BIN3: variants seen among roughly 807,000 people sequenced by gnomAD.
BIN3 encodes the protein bridging integrator 3.
In BIN3, 41 loss-of-function variants were observed where a neutral mutation model predicts 38.2. The ratio of observed to expected loss-of-function variants is 1.07; its 90% CI spans 0.84 to 1.39. The LOEUF is 1.39. Among genes scored for constraint, BIN3 ranks in the 40% most tolerant of loss-of-function variants. The pLI, the probability that BIN3 is intolerant of heterozygous loss-of-function variation, is 0.00. For missense variants in BIN3, 361 were observed against 324.3 expected (o/e 1.11, Z -0.87); for synonymous variants, 145 against 122.6 (o/e 1.18, Z -1.21).
At chr8:22,642,687 GTCA>G (rs1404652622) in intron 2 of BIN3, among the ~76,000 whole-genome samples, 1 of 152,228 alleles carries the variant, frequency 6.6e-6, no homozygotes, top group Admixed American at 6.5e-5. Flanking sequence ...CACAGGTACT[GTCA>G]TCATCCTGAT....
chr8:22,652,322 A>G (rs531382140), intron 1 of BIN3, among the ~76,000 whole-genome samples: 1 of 152,308 alleles, frequency 6.6e-6, no homozygotes, highest in South Asian at 2.1e-4. Context: ...ATGTTTATCT[A>G]CTGGGTAGGA....
chr8:22,664,446 C>T (rs2117605168), intron 1 of BIN3, among the ~76,000 whole-genome samples: 1 of 152,344 alleles, frequency 6.6e-6, no homozygotes, highest in South Asian at 2.1e-4. Context: ...AGTGATGAGG[C>T]TGCCTTAGGC....
chr8:22,639,964 C>T lies in BIN3; in HGVS notation c.58-3002G>A, dbSNP rs888146824. Among the ~76,000 whole-genome samples, 10 of 152,206 alleles carry T rather than the reference C, an allele frequency of 6.6e-5. No homozygotes were observed. In the South Asian group the frequency reaches 1.9e-3, roughly 28 times the overall value. ...GCAACCTCCGCCTCCCGGGTTCAAG[C>T]GATTCTCCTGCCTCAGCCTCCCGAG... On this transcript the variant is annotated intron_variant, in intron 2 of 8. Coordinates refer to ENST00000276416, the MANE Select transcript of BIN3 (RefSeq NM_018688.6).
At chr8:22,636,842 C>T (rs919507499) in intron 3 of BIN3, 80 bp downstream of exon 3, 45 of 1,486,256 alleles carry the variant, frequency 3.0e-5, no homozygotes, top group South Asian at 1.0e-4. Flanking sequence ...GGGCAGGGCA[C>T]GGGGCAGACA....
chr8:22,644,648 T>G (rs945647081), intron 2 of BIN3, 107 bp downstream of exon 2: 2 of 1,081,998 alleles, frequency 1.8e-6, no homozygotes, highest in Non-Finnish European at 2.8e-6. Context: ...AAGGCCCAGG[T>G]TGCTGTCTTC....
At chr8:22,642,806 A>T (rs1802604741) in intron 2 of BIN3, among the ~76,000 whole-genome samples, 1 of 152,174 alleles carries the variant, frequency 6.6e-6, no homozygotes, top group African/African-American at 2.4e-5. Context: ...AGCCTCCCAA[A>T]CCTAGTTTCT....
At chr8:22,637,037 T>C in intron 2 of BIN3, 75 bp from the exon 3 acceptor site, 2 of 1,340,668 alleles carry the variant, frequency 1.5e-6, no homozygotes, top group Admixed American at 3.6e-5. Context: ...CTCCTGAAAC[T>C]CTCTCCACAC....
At chr8:22,660,379 C>T (rs570286630) in intron 1 of BIN3, among the ~76,000 whole-genome samples, 102 of 152,376 alleles carry the variant, frequency 6.7e-4, no homozygotes, top group African/African-American at 2.3e-3. Context: ...GATGGGCTGA[C>T]AGTGGCTTAG....
rs58750709 is a variant in BIN3, at chr8:22,648,695, A to G, written c.9-3892T>C. ...TCTCCCTTCTCCCTTTCCCTACTGCACTCCTTGGGAGGAAGCCATCATGCA... is the reference window on the plus strand; with the variant it reads ...TCTCCCTTCTCCCTTTCCCTACTGCGCTCCTTGGGAGGAAGCCATCATGCA... On this transcript the variant is annotated intron_variant, in intron 1 of 8. Transcript: ENST00000276416. Among the ~76,000 whole-genome samples the G allele has an allele frequency of 2.3e-3, 353 of 151,828 alleles. 7 individuals carry two copies. In the East Asian group the frequency reaches 0.062, roughly 27 times the overall value.
chr8:22,665,021 T>C (rs1803369211), intron 1 of BIN3, among the ~76,000 whole-genome samples: 1 of 152,244 alleles, frequency 6.6e-6, no homozygotes, highest in Non-Finnish European at 1.5e-5. Context: ...AGAAGCTCTA[T>C]GTCGCTCCTG....
chr8:22,626,043 T>A (rs1322797574), intron 6 of BIN3: 1 of 152,588 alleles, frequency 6.6e-6, no homozygotes, highest in Non-Finnish European at 1.5e-5. Flanking sequence ...ACAAAGGGCT[T>A]ATCCCCAAGA....
intron 2 of BIN3, among the ~76,000 whole-genome samples, chr8:22,643,751 G>C (rs928741593): frequency 3.3e-5 from 5 of 152,262 alleles, no homozygotes; most frequent in African/African-American, 1.2e-4. Flanking sequence ...CTCTGCCAAG[G>C]AGGGGAGAAG....
intron 8 of BIN3, 142 bp from the exon 9 acceptor site, chr8:22,621,710 G>A (rs957737358): frequency 3.5e-6 from 3 of 865,142 alleles, no homozygotes; most frequent in Non-Finnish European, 1.8e-6. Context: ...GATATGCAGG[G>A]CACGGAAGGG....
chr8:22,636,341 T>C (rs1802364058), intron 4 of BIN3, among the ~76,000 whole-genome samples, 184 bp downstream of exon 4: 1 of 152,172 alleles, frequency 6.6e-6, no homozygotes, highest in Non-Finnish European at 1.5e-5. Flanking sequence ...AGTGGGGCAG[T>C]GCGAGCTCTG....
At chr8:22,630,400 G>A (rs1401378159) in intron 5 of BIN3, 42 bp downstream of exon 5, 20 of 1,609,960 alleles carry the variant, frequency 1.2e-5, no homozygotes, top group African/African-American at 4.0e-5. Context: ...CCCAGACCGG[G>A]CAGAAGTCAT....
At chr8:22,628,137 T>C (rs1802064311) in intron 6 of BIN3, among the ~76,000 whole-genome samples, 1 of 152,222 alleles carries the variant, frequency 6.6e-6, no homozygotes, top group South Asian at 2.1e-4. Flanking sequence ...ATGCCTGCCA[T>C]GCCTTGGTCT....
chr8:22,637,829 C>T (rs1226661655), intron 2 of BIN3, among the ~76,000 whole-genome samples: 1 of 152,212 alleles, frequency 6.6e-6, no homozygotes, highest in African/African-American at 2.4e-5. Flanking sequence ...GCTTCGTGCT[C>T]TGAGAAGTCA....
chr8:22,628,609 G>A (rs756927549), intron 6 of BIN3, among the ~76,000 whole-genome samples: 2 of 152,240 alleles, frequency 1.3e-5, no homozygotes, highest in African/African-American at 4.8e-5. Context: ...TTGGGCTTCA[G>A]AAGCCAGGGA....
chr8:22,638,585 C>T (rs1321885815), intron 2 of BIN3, among the ~76,000 whole-genome samples: 1 of 152,180 alleles, frequency 6.6e-6, no homozygotes, highest in Non-Finnish European at 1.5e-5. Flanking sequence ...CTATGATGGG[C>T]CTTTTGGACA....
Sources: allele counts gnomAD v4.1 joint callset (sites outside exome capture counted in the v4.1 genomes callset), GRCh38; gene constraint gnomAD v4.1.1; transcripts MANE v1.5; gene names NCBI Gene and HGNC (gene_info 2026-07-23, HGNC 2026-07-21).